The following RASGRP3 variants were observed in gnomAD, a reference collection of about 807,000 sequenced individuals.
The protein encoded by RASGRP3 is RAS guanyl releasing protein 3.
A neutral mutation model predicts 82.7 loss-of-function variants in RASGRP3; 54 were observed. The observed-to-expected ratio is 0.65, with a 90% CI of 0.52 to 0.82. The LOEUF (loss-of-function observed/expected upper bound fraction) is 0.82, where lower values mean the gene tolerates loss of function less well. RASGRP3 is among the 40% of genes least tolerant of loss of function. RASGRP3 has a pLI of 0.00. For missense variants in RASGRP3, 861 were observed against 828.9 expected, an observed-to-expected ratio of 1.04 and a Z score of -0.48; for synonymous variants, 309 against 300.5, an observed-to-expected ratio of 1.03 and a Z score of -0.29.
chr2:33,458,008 T>G (rs1380799868), intron 2 of RASGRP3: 1 of 152,160 alleles, frequency 6.6e-6, no homozygotes, highest in Non-Finnish European at 1.5e-5. Context: ...GAGGAGCTAT[T>G]TATAGCAGGT....
At chr2:33,536,125 A>C (rs1290582543) in intron 11 of RASGRP3, among the ~76,000 whole-genome samples, 1 of 151,928 alleles carries the variant, frequency 6.6e-6, no homozygotes, top group African/African-American at 2.4e-5. Flanking sequence ...CAACATGGAG[A>C]ACCTTGTCTC....
At chr2:33,526,751 C>G (rs181911555) in intron 9 of RASGRP3, among the ~76,000 whole-genome samples, 1 of 152,164 alleles carries the variant, frequency 6.6e-6, no homozygotes, top group Non-Finnish European at 1.5e-5. Flanking sequence ...AAATTAACCT[C>G]GAGTAATATC....
At chr2:33,491,481 CAT>C (rs1230051801) in intron 1 of RASGRP3, among the ~76,000 whole-genome samples, 1 of 152,014 alleles carries the variant, frequency 6.6e-6, no homozygotes, top group Non-Finnish European at 1.5e-5. Flanking sequence ...TTATTTATAA[CAT>C]AGAAATAATG....
intron 1 of RASGRP3, among the ~76,000 whole-genome samples, chr2:33,494,584 A>T (rs114650859): frequency 3.9e-5 from 6 of 152,196 alleles, no homozygotes; most frequent in African/African-American, 1.4e-4. Context: ...CTAGAGAGGA[A>T]GTGGGAGAGA....
chr2:33,457,289 AT>A (rs549801407), intron 2 of RASGRP3, among the ~76,000 whole-genome samples: 5 of 152,196 alleles, frequency 3.3e-5, no homozygotes, highest in East Asian at 1.9e-4. Flanking sequence ...AATTAGTCAT[AT>A]TTTTTTAAAA....
chr2:33,513,773 A>T (rs1671162670), intron 2 of RASGRP3: 1 of 152,208 alleles, frequency 6.6e-6, no homozygotes, highest in Non-Finnish European at 1.5e-5. Context: ...TTTCCCCATG[A>T]CAGTGCTGGC....
At chr2:33,549,552 C>T in intron 13 of RASGRP3, 52 bp from the exon 14 acceptor site, 1 of 1,550,344 alleles carries the variant, frequency 6.5e-7, no homozygotes, top group Non-Finnish European at 8.8e-7. Flanking sequence ...GTGGCAACTA[C>T]TTAGCAACCT....
chr2:33,546,162 G>T (rs970385946), intron 13 of RASGRP3, among the ~76,000 whole-genome samples: 1 of 151,332 alleles, frequency 6.6e-6, no homozygotes, highest in Non-Finnish European at 1.5e-5. Context: ...TGTGGCCCAC[G>T]CCTGTAATCC....
chr2:33,457,306 T>G (rs1206735238), intron 2 of RASGRP3, among the ~76,000 whole-genome samples: 1 of 152,216 alleles, frequency 6.6e-6, no homozygotes, highest in Admixed American at 6.5e-5. Context: ...TAAAAAAACC[T>G]GGAACCCTCT....
In RASGRP3 at chr2:33,560,197, A is replaced by G. The variant is rs555788024; in HGVS notation, c.2064+1167A>G. On this transcript the variant is annotated intron_variant, in intron 17 of 17. Transcript: ENST00000403687. ...ATTTTAGAACATTTTCATTATTCCA[A>G]AAAGAAATCCTACACCCACGAGCAG... is the stretch of plus-strand genomic sequence containing the variant. Among the ~76,000 whole-genome samples, 68 of 152,220 alleles carry G rather than the reference A, an allele frequency of 4.5e-4. 1 individual carries two copies. Among genetic ancestry groups the G allele is most frequent in the African/African-American group, 1.6e-3 (65 of 41,558 alleles).
At chr2:33,520,092 A>T in intron 5 of RASGRP3, 78 bp downstream of exon 5, 1 of 1,229,288 alleles carries the variant, frequency 8.1e-7, no homozygotes, top group South Asian at 1.3e-5. Context: ...CCCAAGCTGC[A>T]GACCTAGTTT....
chr2:33,446,655 C>G (rs1041449574), intron 1 of RASGRP3, among the ~76,000 whole-genome samples: 1 of 152,030 alleles, frequency 6.6e-6, no homozygotes, highest in Non-Finnish European at 1.5e-5. Flanking sequence ...GTGAGGAAGA[C>G]TAGAGACTGA....
intron 1 of RASGRP3, among the ~76,000 whole-genome samples, chr2:33,506,028 CAT>C (rs1209098814): frequency 2.0e-5 from 3 of 152,156 alleles, no homozygotes; most frequent in African/African-American, 4.8e-5. Context: ...ACCAAGAAAA[CAT>C]AAATAAAATG....
chr2:33,455,481 G>C (rs554319317), intron 2 of RASGRP3, among the ~76,000 whole-genome samples: 2 of 152,348 alleles, frequency 1.3e-5, no homozygotes, highest in South Asian at 2.1e-4. Flanking sequence ...ATGATATCTG[G>C]AGAGATGCTG....
intron 11 of RASGRP3, among the ~76,000 whole-genome samples, chr2:33,538,539 A>T (rs1461275534): frequency 6.6e-6 from 1 of 151,932 alleles, no homozygotes; most frequent in Non-Finnish European, 1.5e-5. Context: ...ATAAAAATAA[A>T]ATAATAGAAT....
At chr2:33,528,625 C>T (rs955506112) in intron 10 of RASGRP3, among the ~76,000 whole-genome samples, 27 of 152,174 alleles carry the variant, frequency 1.8e-4, no homozygotes, top group Non-Finnish European at 4.4e-5. Context: ...GCCTAAATCC[C>T]CTAGGTCTGC....
At chr2:33,438,834 T>G (rs946570553) in intron 1 of RASGRP3, among the ~76,000 whole-genome samples, 1 of 152,200 alleles carries the variant, frequency 6.6e-6, no homozygotes, top group Non-Finnish European at 1.5e-5. Context: ...GAGCCAACCC[T>G]GGCCTTCACA....
chr2:33,522,199 A>C, intron 7 of RASGRP3, 97 bp downstream of exon 7: 1 of 1,369,828 alleles, frequency 7.3e-7, no homozygotes, highest in Non-Finnish European at 9.9e-7. Flanking sequence ...GGCAGCTTCT[A>C]TCACTGTGCT....
chr2:33,473,590 G>T (rs1287025023), upstream of RASGRP3, among the ~76,000 whole-genome samples: 2 of 152,160 alleles, frequency 1.3e-5, no homozygotes, highest in African/African-American at 4.8e-5. Flanking sequence ...CTCTTCTTGA[G>T]TCGAAGACAA....
Sources: allele counts gnomAD v4.1 joint callset (sites outside exome capture counted in the v4.1 genomes callset), GRCh38; gene constraint gnomAD v4.1.1; transcripts MANE v1.5; gene names NCBI Gene and HGNC (gene_info 2026-07-23, HGNC 2026-07-21).